Variants in EFL1 observed in about 807,000 individuals in gnomAD.
The protein encoded by EFL1 is elongation factor-like GTPase 1.
In EFL1, 76 loss-of-function variants were observed where a neutral mutation model predicts 126.7. That is an observed-to-expected ratio of 0.60 (90% CI 0.50 to 0.73). The LOEUF is 0.73. EFL1 is among the 30% of genes least tolerant of loss of function. The pLI is 0.00. For missense variants in EFL1, 1,128 were observed against 1,343.2 expected (o/e 0.84, Z 2.50); for synonymous variants, 410 against 448.4 (o/e 0.91, Z 1.08).
At chr15:82,221,068 A>C (rs1487723631) in intron 12 of EFL1, among the ~76,000 whole-genome samples, 3 of 152,106 alleles carry the variant, frequency 2.0e-5, no homozygotes, top group Non-Finnish European at 2.9e-5. Context: ...AGGCTGATAG[A>C]TTAACAGCAT....
At chr15:82,214,920 A>G in intron 14 of EFL1, 65 bp from the exon 15 acceptor site, 1 of 1,532,494 alleles carries the variant, frequency 6.5e-7, no homozygotes, top group Non-Finnish European at 8.8e-7. Flanking sequence ...TGGTATTTGT[A>G]AAGTTACTTC....
chr15:82,209,580 T>A (rs1279799484), intron 15 of EFL1, among the ~76,000 whole-genome samples: 1 of 152,196 alleles, frequency 6.6e-6, no homozygotes, highest in Non-Finnish European at 1.5e-5. Context: ...CAATTTCCCC[T>A]CACATTTTAA....
chr15:82,152,912 G>T (rs184216643), intron 17 of EFL1, among the ~76,000 whole-genome samples: 1 of 152,262 alleles, frequency 6.6e-6, no homozygotes, highest in Admixed American at 6.5e-5. Flanking sequence ...AGCAAGGCTA[G>T]CATGATCCAT....
At chr15:82,157,925 C>A in intron 16 of EFL1, 65 bp from the exon 17 acceptor site, 1 of 1,483,080 alleles carries the variant, frequency 6.7e-7, no homozygotes, top group Non-Finnish European at 9.1e-7. Flanking sequence ...AAGACAATGG[C>A]TCTGGCTACT....
intron 9 of EFL1, among the ~76,000 whole-genome samples, chr15:82,228,821 A>G (rs535830752): frequency 9.2e-5 from 14 of 152,206 alleles, no homozygotes; most frequent in Non-Finnish European, 1.9e-4. Flanking sequence ...GCACTCTATA[A>G]AATATTGCTA....
At position 82,252,740 on chromosome 15, in the gene EFL1, G is replaced by C. The variant is rs747943522; in HGVS notation, c.195C>G (p.Ile65Met). 3 of 1,612,454 alleles carry C rather than the reference G, an allele frequency of 1.9e-6. No individual in the cohort carries two copies. The highest frequency in any genetic ancestry group is 2.2e-5 in the East Asian group (1 of 44,876). Residue 65 changes from isoleucine (I) to methionine (M), a missense_variant, in exon 4 of 20, where the codon ATC (isoleucine) becomes ATG (methionine). Around this residue, in one of 6 missense-constraint regions of EFL1, gnomAD observed 118 missense variants for 188.1 expected, o/e 0.63. Coordinates refer to ENST00000268206, the MANE Select transcript of EFL1 (RefSeq NM_024580.6). ...CACTGGATTTCATAGTGATCCCTCG[G>C]ATCTGTTCATCTTCTCTGCTGTCCA... ...RYMDSREDEQIRGITMKSSAI... is the reference protein window; with the variant it reads ...RYMDSREDEQMRGITMKSSAI...
intron 15 of EFL1, among the ~76,000 whole-genome samples, chr15:82,185,285 T>G (rs1484028121): frequency 6.6e-6 from 1 of 151,838 alleles, no homozygotes; most frequent in Non-Finnish European, 1.5e-5. Context: ...AAGTTAAAAT[T>G]GTATCTCTAC....
chr15:82,187,014 G>C (rs2074311056), intron 15 of EFL1, among the ~76,000 whole-genome samples: 1 of 152,166 alleles, frequency 6.6e-6, no homozygotes. Flanking sequence ...TGAACTCTGA[G>C]TAGACATTAC....
At chr15:82,211,545 T>TACACACACAC in intron 15 of EFL1, among the ~76,000 whole-genome samples, 1 of 66,526 alleles carries the variant, frequency 1.5e-5, no homozygotes, top group African/African-American at 7.8e-5. Context: ...AAAAAAAATC[T>TACACACACAC]ATATACACAC....
At chr15:82,131,716 C>T (rs1203030508) in intron 19 of EFL1, among the ~76,000 whole-genome samples, 1 of 151,974 alleles carries the variant, frequency 6.6e-6, no homozygotes, top group Admixed American at 6.6e-5. Context: ...CTCTTGAACC[C>T]AGGAGGTGGA....
At chr15:82,140,903 C>T (rs745854300) in intron 18 of EFL1, among the ~76,000 whole-genome samples, 2 of 152,116 alleles carry the variant, frequency 1.3e-5, no homozygotes, top group East Asian at 3.9e-4. Context: ...TCATTTTCTC[C>T]CAGGGTAGCC....
intron 7 of EFL1, among the ~76,000 whole-genome samples, chr15:82,235,750 G>A (rs1325112600): frequency 5.3e-5 from 8 of 152,160 alleles, no homozygotes; most frequent in Admixed American, 2.0e-4. Flanking sequence ...TATTTCTAAC[G>A]GTGAAAGGCT....
At chr15:82,170,077 T>G (rs2074117815) in intron 15 of EFL1, among the ~76,000 whole-genome samples, 1 of 149,900 alleles carries the variant, frequency 6.7e-6, no homozygotes, top group Non-Finnish European at 1.5e-5. Flanking sequence ...GAAGGAGTGA[T>G]GAGGTGTGGA....
chr15:82,199,743 G>A (rs988262006), intron 15 of EFL1, among the ~76,000 whole-genome samples: 9 of 152,204 alleles, frequency 5.9e-5, no homozygotes, highest in Admixed American at 3.3e-4. Context: ...GTAGGAATCA[G>A]CCCTAGGAAG....
intron 15 of EFL1, among the ~76,000 whole-genome samples, chr15:82,180,050 A>G (rs1417847573): frequency 2.0e-5 from 3 of 152,174 alleles, no homozygotes; most frequent in Non-Finnish European, 2.9e-5. Context: ...TCAGGCAAGG[A>G]AACTGTGAGA....
chr15:82,151,148 G>A (rs111862815), intron 18 of EFL1, among the ~76,000 whole-genome samples: 2 of 152,140 alleles, frequency 1.3e-5, no homozygotes, highest in African/African-American at 4.8e-5. Context: ...ACTTTGGGAG[G>A]CCAAAGTGGG....
At chr15:82,178,646 C>T (rs2074218648) in intron 15 of EFL1, among the ~76,000 whole-genome samples, 1 of 152,208 alleles carries the variant, frequency 6.6e-6, no homozygotes, top group East Asian at 1.9e-4. Flanking sequence ...CCTCTTGAGA[C>T]TAAGGCTTGA....
intron 18 of EFL1, among the ~76,000 whole-genome samples, chr15:82,145,427 C>A (rs2073834189): frequency 6.6e-6 from 1 of 151,786 alleles, no homozygotes. Flanking sequence ...TTAAAACTAT[C>A]TCATATACTC....
rs541399411 is a variant in EFL1 at position 82,216,105 on chromosome 15, G to C, written c.1612-1250C>G. Reference sequence around the variant, plus strand: ...ATTAGGAATAGAAAATGCATAAATAGAATAGCAATAAATAGAAAATATGTG... The same window carrying C: ...ATTAGGAATAGAAAATGCATAAATACAATAGCAATAAATAGAAAATATGTG... On this transcript the variant is annotated intron_variant, in intron 14 of 19. Transcript: ENST00000268206. 1.6e-4 allele frequency among the ~76,000 whole-genome samples: 25 copies of C among 152,096 alleles called. 2 individuals are homozygous for C. In the South Asian group the frequency reaches 4.8e-3, roughly 29 times the overall value.
Sources: gnomAD v4.1 joint callset for allele counts (sites outside exome capture counted in the v4.1 genomes callset) on GRCh38, gnomAD v4.1.1 for gene constraint, gnomAD v4.1.1 regional missense constraint, MANE v1.5 for transcripts, NCBI Gene and HGNC (gene_info 2026-07-23, HGNC 2026-07-21) for gene names.